CAST: variants seen among roughly 807,000 people sequenced by gnomAD.
The protein encoded by CAST is MIR583 host.
A neutral mutation model predicts 119.6 loss-of-function variants in CAST; 76 were observed. The ratio of observed to expected loss-of-function variants is 0.64; its 90% CI spans 0.53 to 0.77. The LOEUF (loss-of-function observed/expected upper bound fraction) is 0.77. Among genes scored for constraint, CAST ranks in the 30% least tolerant of loss-of-function variants. The probability of loss-of-function intolerance (pLI) is 0.00; values close to 1 mark genes in which losing one functional copy is unlikely to be tolerated. For missense variants in CAST, 953 were observed against 946.5 expected (o/e 1.01, Z -0.09); for synonymous variants, 319 against 331.6 (o/e 0.96, Z 0.41).
At chr5:96,623,712 T>A (rs1747663906) in intron 1 of CAST, among the ~76,000 whole-genome samples, 1 of 152,144 alleles carries the variant, frequency 6.6e-6, no homozygotes, top group Non-Finnish European at 1.5e-5. Context: ...ATAATTTTGT[T>A]AATTTCTTTT....
chr5:96,737,619 CTG>C (rs1458680822), intron 10 of CAST, among the ~76,000 whole-genome samples: 1 of 152,146 alleles, frequency 6.6e-6, no homozygotes, highest in Non-Finnish European at 1.5e-5. Flanking sequence ...CTTGTTGAAA[CTG>C]TGCTTCTTGC....
the CAST span, among the ~76,000 whole-genome samples, chr5:95,962,646 A>G: frequency 6.6e-6 from 1 of 152,150 alleles, no homozygotes; most frequent in East Asian, 1.9e-4. Flanking sequence ...GGTATAATAG[A>G]GAATTGAGCT....
intron 29 of CAST, 51 bp downstream of exon 29, chr5:96,768,050 G>A (rs368732799): frequency 1.8e-5 from 20 of 1,099,612 alleles, no homozygotes; most frequent in Middle Eastern, 2.0e-4. Context: ...GTGTGTATGT[G>A]TACATACATA....
the CAST span, among the ~76,000 whole-genome samples, chr5:96,020,501 G>A: frequency 2.6e-5 from 4 of 152,104 alleles, no homozygotes; most frequent in East Asian, 3.9e-4. Context: ...GCTCCCCATC[G>A]CTCACATTAC....
At chr5:96,374,057 T>C in the CAST span, among the ~76,000 whole-genome samples, 2 of 152,118 alleles carry the variant, frequency 1.3e-5, no homozygotes, top group East Asian at 1.9e-4. Flanking sequence ...GTATAAAACA[T>C]GTGTAAAAAC....
At chr5:95,980,733 C>A in the CAST span, among the ~76,000 whole-genome samples, 1 of 152,166 alleles carries the variant, frequency 6.6e-6, no homozygotes, top group Non-Finnish European at 1.5e-5. Flanking sequence ...CTCCTACTGC[C>A]ATCCACTTGC....
chr5:96,754,685 A>G lies in CAST; in HGVS notation c.1654A>G (p.Lys552Glu), dbSNP rs759883141. 5 of 1,609,744 alleles carry G rather than the reference A, an allele frequency of 3.1e-6. No individual in the cohort carries two copies. Among genetic ancestry groups the G allele is most frequent in the Non-Finnish European group, 4.2e-6 (5 of 1,176,506 alleles). The change falls in exon 22 of 32, where the codon AAG becomes GAG. Residue 552 changes from lysine (K) to glutamate (E), a missense_variant. Transcript: ENST00000675179. ...GAAGGCCAAAGAAGAAGACCGTGAAAAGCTTGGTGAAAAAGAAGAAACAAT... is the reference window on the plus strand; with the variant it reads ...GAAGGCCAAAGAAGAAGACCGTGAAGAGCTTGGTGAAAAAGAAGAAACAAT... ...KEKAKEEDRE[K>E]LGEKEETIPP...
the CAST span, among the ~76,000 whole-genome samples, chr5:96,395,916 T>C: frequency 3.3e-5 from 5 of 152,292 alleles, no homozygotes; most frequent in Admixed American, 6.5e-5. Context: ...GGCTCAACAA[T>C]TATAAATAAT....
the CAST span, among the ~76,000 whole-genome samples, chr5:96,452,746 C>T: frequency 2.8e-5 from 4 of 141,684 alleles, no homozygotes; most frequent in Admixed American, 1.4e-4. Flanking sequence ...GTCAGGAGAT[C>T]GAGACCATCC....
At chr5:95,993,708 G>T in the CAST span, among the ~76,000 whole-genome samples, 1 of 152,108 alleles carries the variant, frequency 6.6e-6, no homozygotes, top group African/African-American at 2.4e-5. Context: ...GCCACAGACT[G>T]GGAGAAAGTA....
chr5:96,365,001 C>T, the CAST span, among the ~76,000 whole-genome samples: 7 of 152,172 alleles, frequency 4.6e-5, no homozygotes, highest in African/African-American at 1.7e-4. Context: ...TTAAGTGTGT[C>T]CCAGAGATTC....
At chr5:96,056,215 G>T in the CAST span, among the ~76,000 whole-genome samples, 1 of 151,978 alleles carries the variant, frequency 6.6e-6, no homozygotes, top group Non-Finnish European at 1.5e-5. Context: ...TTTCTTTCTG[G>T]GAGTTAGGTT....
chr5:96,349,639 GCATA>G, the CAST span, among the ~76,000 whole-genome samples: 355 of 152,198 alleles, frequency 2.3e-3, no homozygotes, highest in Non-Finnish European at 3.3e-3. Context: ...ATTTTCAATT[GCATA>G]CTTCATTAAA....
At chr5:96,029,117 A>G in the CAST span, among the ~76,000 whole-genome samples, 1 of 152,168 alleles carries the variant, frequency 6.6e-6, no homozygotes, top group Non-Finnish European at 1.5e-5. Flanking sequence ...AGAAAGATGT[A>G]AAATTTGATC....
chr5:96,555,112 T>C (rs1746210107), intron 1 of CAST, among the ~76,000 whole-genome samples: 1 of 152,242 alleles, frequency 6.6e-6, no homozygotes, highest in South Asian at 2.1e-4. Context: ...CGTATGTTTA[T>C]TGTGGCACTA....
chr5:96,526,655 T>C (rs936006636), upstream of CAST, among the ~76,000 whole-genome samples: 1 of 152,228 alleles, frequency 6.6e-6, no homozygotes, highest in Non-Finnish European at 1.5e-5. Context: ...CATAACTTGC[T>C]GCCCTATTGC....
chr5:95,963,725 CTTTTTTTT>C, the CAST span, among the ~76,000 whole-genome samples: 1 of 129,992 alleles, frequency 7.7e-6, no homozygotes, highest in Non-Finnish European at 1.6e-5. Context: ...TTCTCTCTCT[CTTTTTTTT>C]TTTTTTTTTT....
At chr5:96,701,805 C>CAAAAAAAAAAAAAA (rs1259689905) in intron 3 of CAST, among the ~76,000 whole-genome samples, 1 of 123,620 alleles carries the variant, frequency 8.1e-6, no homozygotes, top group Non-Finnish European at 1.7e-5. Flanking sequence ...AATCCCACCT[C>CAAAAAAAAAAAAAA]AAAAAAAAAA....
chr5:96,351,309 T>C, the CAST span, among the ~76,000 whole-genome samples: 1 of 152,196 alleles, frequency 6.6e-6, no homozygotes, highest in Non-Finnish European at 1.5e-5. Flanking sequence ...TGTGACTTGC[T>C]ATGGCCAAAG....
Sources: gnomAD v4.1 joint callset for allele counts (sites outside exome capture counted in the v4.1 genomes callset) on GRCh38, gnomAD v4.1.1 for gene constraint, MANE v1.5 for transcripts, NCBI Gene and HGNC (gene_info 2026-07-23, HGNC 2026-07-21) for gene names.